The following HPS5 variants were observed in gnomAD, a reference collection of about 807,000 sequenced individuals.
HPS5 encodes the protein HPS5 biogenesis of lysosomal organelles complex 2 subunit 2, also known as BLOC-2 complex member HPS5.
In HPS5, 83 loss-of-function variants were observed where a neutral mutation model predicts 128.0. That is an observed-to-expected ratio of 0.65 (90% confidence interval 0.54 to 0.78). The LOEUF (loss-of-function observed/expected upper bound fraction) is 0.78, where lower values mean the gene tolerates loss of function less well. Ranked by LOEUF, HPS5 falls within the 30% of genes least tolerant of loss-of-function variation. The probability of loss-of-function intolerance (pLI) is 0.00; values close to 1 mark genes in which losing one functional copy is unlikely to be tolerated. For missense variants in HPS5, 1,281 were observed against 1,326.2 expected (o/e 0.97, Z 0.53); for synonymous variants, 475 against 470.2 (o/e 1.01, Z -0.13).
chr11:18,297,180 A>G (rs914504318), intron 11 of HPS5, among the ~76,000 whole-genome samples, 196 bp from the exon 12 acceptor site: 6 of 152,224 alleles, frequency 3.9e-5, no homozygotes, highest in African/African-American at 1.4e-4. Flanking sequence ...ATCAGCTGCC[A>G]TATTTCTCTA....
chr11:18,310,700 T>G, intron 5 of HPS5, 41 bp downstream of exon 5: 1 of 1,444,658 alleles, frequency 6.9e-7, no homozygotes, highest in East Asian at 2.3e-5. Flanking sequence ...GACAACACCT[T>G]GTATCTCACT....
intron 6 of HPS5, among the ~76,000 whole-genome samples, chr11:18,307,160 TTTGG>T (rs1290840362): frequency 6.6e-6 from 1 of 152,216 alleles, no homozygotes; most frequent in African/African-American, 2.4e-5. Flanking sequence ...CTTATTCCTC[TTTGG>T]TTGAATTCCC....
In HPS5 at chr11:18,291,687, C is replaced by T. The variant is rs760549604; in HGVS notation, c.2195G>A (p.Gly732Asp). ...CAATTCAGCCAGGTCGTTCCGAAGA[C>T]CACTTGCAATGGCGCATGGAGAACA... ...QICSPCAIAS[G>D]LRNDLAELTT... is the part of the protein sequence containing the mutation. The change falls in exon 16 of 23, where the codon GGT becomes GAT. Residue 732 changes from glycine (G) to aspartate (D), a missense_variant. By Grantham distance (94) the Gly-to-Asp change is moderately conservative. Coordinates refer to ENST00000349215, the MANE Select transcript of HPS5 (RefSeq NM_181507.2). 3 of 1,614,240 alleles carry T rather than the reference C, an allele frequency of 1.9e-6. No individual in the cohort carries two copies. The highest frequency in any genetic ancestry group is 2.2e-5 in the South Asian group (2 of 91,088).
Position 18,298,840 on chromosome 11 carries a change from C to G in HPS5, c.1116G>C (p.Leu372Phe), listed in dbSNP as rs1427174523. 1 of 1,614,202 alleles carries G rather than the reference C, an allele frequency of 6.2e-7. No individual in the cohort carries two copies. The highest frequency in any genetic ancestry group is 2.2e-5 in the East Asian group (1 of 44,878). ...GGAAAAGACAGCATGTACGAGCAGC[C>G]AAGTTCCATAGGCCTCTTCTTAGCA... ...ERLLRRGLWNLAARTCCLFQN... is the reference protein window; with the variant it reads ...ERLLRRGLWNFAARTCCLFQN... The change falls in exon 10 of 23, where the codon TTG becomes TTC. Residue 372 changes from leucine (L) to phenylalanine (F), a missense_variant. Leu to Phe is a conservative substitution (Grantham distance 22). Transcript: ENST00000349215.
chr11:18,280,052 G>C lies in HPS5; in HGVS notation c.3330-110C>G. On this transcript the variant is annotated intron_variant, in intron 22 of 22. Transcript: ENST00000349215. ...AGGATTCAAAAAGTTGACTGATTCTGTGCATTAAAAGACACAATGCACAGA... is the reference window on the plus strand; with the variant it reads ...AGGATTCAAAAAGTTGACTGATTCTCTGCATTAAAAGACACAATGCACAGA... 1.8e-6 allele frequency: 2 copies of C among 1,132,170 alleles called. 1 individual carries two copies. Among genetic ancestry groups the C allele is most frequent in the South Asian group, 2.6e-5 (2 of 76,478 alleles). 70.1% of individuals were successfully genotyped at this position (1,132,170 alleles called of 1,614,324 possible).
In HPS5 at chr11:18,296,071, A is replaced by C; in HGVS notation, c.1562T>G (p.Phe521Cys). ...TGGTAATGGAATGCCGAACGGGAGA[A>C]AAGTTTCATTCTTATCTGTCTCAAA... The part of the protein sequence containing the change: ...VMFETDKNET[F>C]LPFGIPLPFR... Residue 521 changes from phenylalanine to cysteine, a missense_variant, in exon 13 of 23, where the codon TTT becomes TGT. Transcript: ENST00000349215. The C allele has an allele frequency of 6.2e-7, 1 of 1,613,368 alleles. No homozygotes were observed.
Position 18,297,837 on chromosome 11 carries a change from T to C in HPS5, c.1165-120A>G. 4 of 955,238 alleles carry C rather than the reference T, an allele frequency of 4.2e-6. No homozygotes were observed. In the Admixed American group the frequency reaches 5.5e-5, roughly 13 times the overall value. 59.2% of individuals were successfully genotyped at this position (955,238 alleles called of 1,614,324 possible). A position where few individuals can be genotyped will look rare whatever the true frequency, so the allele number is the denominator to read the frequency against. On this transcript the variant is annotated intron_variant, in intron 10 of 22. Transcript: ENST00000349215. Reference sequence around the variant, plus strand: ...GCTCACGCCTGTAATCCCAGCACTCTGGGAGGCCGAGGCGGGCAGATCCCC... The same window carrying C: ...GCTCACGCCTGTAATCCCAGCACTCCGGGAGGCCGAGGCGGGCAGATCCCC...
At chr11:18,308,038 G>C (rs528153212) in intron 6 of HPS5, among the ~76,000 whole-genome samples, 1 of 152,236 alleles carries the variant, frequency 6.6e-6, no homozygotes, top group East Asian at 1.9e-4. Flanking sequence ...TGAGAAATAT[G>C]ATAGCTGCCA....
intron 6 of HPS5, among the ~76,000 whole-genome samples, chr11:18,306,940 G>A (rs912739868): frequency 6.6e-6 from 1 of 152,178 alleles, no homozygotes; most frequent in Non-Finnish European, 1.5e-5. Context: ...TGAGGGAGAT[G>A]TCTCTTCCTA....
At position 18,291,551 on chromosome 11, in the gene HPS5, G is replaced by T. The variant is rs1303685757; in HGVS notation, c.2331C>A (p.Phe777Leu). The T allele has an allele frequency of 6.2e-7, 1 of 1,611,056 alleles. No individual in the cohort carries two copies. The highest frequency in any genetic ancestry group is 8.5e-7 in the Non-Finnish European group (1 of 1,177,910). The part of the protein sequence containing the change: ...QYSPEILACQ[F>L]LKKYFFLLNL... Reference sequence around the variant, plus strand: ...TCAGGAGAAAAAAGTACTTCTTCAGGAACTGGCAAGCCAGAATTTCAGGAG... The same window carrying T: ...TCAGGAGAAAAAAGTACTTCTTCAGTAACTGGCAAGCCAGAATTTCAGGAG... The change falls in exon 16 of 23, where the codon TTC (phenylalanine) becomes TTA (leucine). Residue 777 changes from phenylalanine (F) to leucine (L), a missense_variant. Physicochemically the swap from Phe to Leu is conservative, Grantham distance 22. Coordinates refer to ENST00000349215, the MANE Select transcript of HPS5 (RefSeq NM_181507.2).
intron 9 of HPS5, among the ~76,000 whole-genome samples, chr11:18,299,692 C>A (rs1421251154): frequency 6.6e-6 from 1 of 152,134 alleles, no homozygotes; most frequent in East Asian, 1.9e-4. Flanking sequence ...ACAATTTGAA[C>A]CCCAAACTAT....
chr11:18,301,414 C>T (rs1265854580), intron 8 of HPS5, among the ~76,000 whole-genome samples: 1 of 139,184 alleles, frequency 7.2e-6, no homozygotes, highest in Non-Finnish European at 1.5e-5. Context: ...GATTGTGCCA[C>T]TGCACTCCAG....
chr11:18,303,576 G>T (rs1297003840), intron 8 of HPS5, among the ~76,000 whole-genome samples: 1 of 152,176 alleles, frequency 6.6e-6, no homozygotes, highest in Non-Finnish European at 1.5e-5. Context: ...GTGTATTGTG[G>T]CCCGACTACT....
chr11:18,310,358 G>A (rs1315925185), intron 5 of HPS5, among the ~76,000 whole-genome samples: 1 of 152,166 alleles, frequency 6.6e-6, no homozygotes, highest in Non-Finnish European at 1.5e-5. Flanking sequence ...AAGAAGCAGA[G>A]AAGACCAGAA....
At chr11:18,319,865 A>G (rs1864108321) in intron 1 of HPS5, among the ~76,000 whole-genome samples, 1 of 152,180 alleles carries the variant, frequency 6.6e-6, no homozygotes, top group African/African-American at 2.4e-5. Context: ...GGTAGTAGCT[A>G]AAAGTAGAGT....
At position 18,288,925 on chromosome 11, in the gene HPS5, CAT is replaced by C. The variant is rs1024140391; in HGVS notation, c.2441-914_2441-913del. 4.6e-4 allele frequency among the ~76,000 whole-genome samples: 69 copies of C among 151,174 alleles called. 1 individual carries two copies. Among genetic ancestry groups the C allele is most frequent in the Admixed American group, 8.6e-4 (13 of 15,174 alleles). The stretch of plus-strand genomic sequence containing the variant: ...GGTCTTGAAACGTTGTCTAGGCTGG[CAT>C]GTGTGTGTGTGTTTATATGTATGTG... On this transcript the variant is annotated intron_variant, in intron 16 of 22. Transcript: ENST00000349215.
At position 18,291,530 on chromosome 11, in the gene HPS5, G is replaced by C. The variant is rs747093208; in HGVS notation, c.2352C>G (p.Leu784=). Residue 784 remains leucine (L), a synonymous_variant, in exon 16 of 23, where the codon CTC becomes CTG. Coordinates refer to ENST00000349215, the MANE Select transcript of HPS5 (RefSeq NM_181507.2). ...ACQFLKKYFF[L]LNLKRAKESI... ...TCTCCTTCGCTCTTTTCAAGTTCAG[G>C]AGAAAAAAGTACTTCTTCAGGAACT... 3.1e-6 allele frequency: 5 copies of C among 1,610,912 alleles called. No individual in the cohort carries two copies. The East Asian group carries it at 1.1e-4, about 36-fold the overall frequency.
chr11:18,320,718 A>G (rs1361158114), intron 1 of HPS5, among the ~76,000 whole-genome samples: 1 of 152,222 alleles, frequency 6.6e-6, no homozygotes, highest in Non-Finnish European at 1.5e-5. Flanking sequence ...TAGTTTGCCT[A>G]AAAATGAGGT....
At chr11:18,301,793 AAG>A (rs1861743384) in intron 8 of HPS5, among the ~76,000 whole-genome samples, 1 of 152,166 alleles carries the variant, frequency 6.6e-6, no homozygotes, top group Non-Finnish European at 1.5e-5. Context: ...TCTTATTAAA[AAG>A]AGAAAAAGCT....
Sources: allele counts gnomAD v4.1 joint callset (sites outside exome capture counted in the v4.1 genomes callset), GRCh38; gene constraint gnomAD v4.1.1; transcripts MANE v1.5; gene names NCBI Gene and HGNC (gene_info 2026-07-23, HGNC 2026-07-21).